CNGA1: variants seen among roughly 807,000 people sequenced by gnomAD.
The protein encoded by CNGA1 is cyclic nucleotide-gated channel alpha-1.
CNGA1 carries 53 observed loss-of-function variants against 69.7 expected under a neutral mutation model. That is an observed-to-expected ratio of 0.76 (90% CI 0.61 to 0.96). CNGA1 has a LOEUF of 0.96. Ranked by LOEUF, CNGA1 falls within the 40% of genes least tolerant of loss-of-function variation. The probability of loss-of-function intolerance (pLI) is 0.00; values close to 1 mark genes in which losing one functional copy is unlikely to be tolerated. For synonymous variants in CNGA1, 249 were observed against 283.5 expected (o/e 0.88, Z 1.22); for missense variants, 739 against 811.2 (o/e 0.91, Z 1.08).
intron 2 of CNGA1, among the ~76,000 whole-genome samples, chr4:47,985,225 G>C (rs1741927785): frequency 6.6e-6 from 1 of 152,074 alleles, no homozygotes; most frequent in African/African-American, 2.4e-5. Flanking sequence ...ATTTTAAAAA[G>C]ACAAATATCA....
At position 47,984,647 on chromosome 4, in the gene CNGA1, A is replaced by AAAAT. The variant is rs141458781; in HGVS notation, c.-122-3148_-122-3147insATTT. ...AAAAAACAAACAAACAAATAAAAAA[A>AAAAT]ATATATATATATATATACACACACA... On this transcript the variant is annotated intron_variant, in intron 2 of 10. Transcript: ENST00000514170. Among the ~76,000 whole-genome samples the AAAAT allele has an allele frequency of 3.4e-4, 22 of 64,496 alleles. No individual in the cohort carries two copies. The South Asian group carries it at 4.5e-3, about 13-fold the overall frequency. The allele number at this position is 64,496 out of a possible 152,430, so 42.3% of individuals were successfully genotyped here.
In CNGA1 at chr4:47,986,615, A is replaced by G. The variant is rs75890740; in HGVS notation, c.-122-5115T>C. 6.8e-3 allele frequency among the ~76,000 whole-genome samples: 1,040 copies of G among 152,282 alleles called. 7 individuals carry two copies. Among genetic ancestry groups the G allele is most frequent in the African/African-American group, 0.023 (956 of 41,542 alleles). The stretch of plus-strand genomic sequence containing the variant: ...TCATAAAGGCATAAAATTTGCTCAA[A>G]TGTTTGTACATTCATTTCACATATA... On this transcript the variant is annotated intron_variant, in intron 2 of 10. Coordinates refer to ENST00000514170, the MANE Select transcript of CNGA1 (RefSeq NM_001379270.1).
In CNGA1 at chr4:47,976,302, C is replaced by CAT. The variant is rs1176884849; in HGVS notation, c.-15+5089_-15+5090dup. Reference sequence around the variant, plus strand: ...ATATGTATATATATATATACACATACATATATATATACATATATATGTATA... The same window carrying CAT: ...ATATGTATATATATATATACACATACATATATATATATACATATATATGTATA... On this transcript the variant is annotated intron_variant, in intron 3 of 10. Coordinates refer to ENST00000514170, the MANE Select transcript of CNGA1 (RefSeq NM_001379270.1). 7.2e-4 allele frequency among the ~76,000 whole-genome samples: 22 copies of CAT among 30,630 alleles called. 2 individuals carry two copies. Among genetic ancestry groups the CAT allele is most frequent in the African/African-American group, 2.3e-3 (21 of 9,022 alleles). The allele number at this position is 30,630 out of a possible 152,430, so 20.1% of individuals were successfully genotyped here.
At chr4:47,991,119 G>A (rs1742245613) in intron 2 of CNGA1, among the ~76,000 whole-genome samples, 1 of 152,192 alleles carries the variant, frequency 6.6e-6, no homozygotes, top group Non-Finnish European at 1.5e-5. Context: ...CTATAAGCAT[G>A]AGTGTGCAAG....
chr4:48,011,723 G>A (rs1038507224), intron 1 of CNGA1, among the ~76,000 whole-genome samples: 5 of 152,170 alleles, frequency 3.3e-5, no homozygotes, highest in Non-Finnish European at 7.4e-5. Flanking sequence ...GTCCAGAAAG[G>A]TGGGACAATT....
chr4:47,970,103 T>C (rs893712342), intron 3 of CNGA1, among the ~76,000 whole-genome samples: 2 of 152,134 alleles, frequency 1.3e-5, no homozygotes, highest in African/African-American at 2.4e-5. Flanking sequence ...GATGTTAGTA[T>C]AGGGAAACCA....
intron 1 of CNGA1, among the ~76,000 whole-genome samples, chr4:48,015,863 G>T (rs547297995): frequency 6.6e-6 from 1 of 152,284 alleles, no homozygotes; most frequent in African/African-American, 2.4e-5. Context: ...CTCCCAAAGT[G>T]CTGTGATTAC....
At chr4:48,002,211 AATT>A (rs1714691210) in intron 2 of CNGA1, among the ~76,000 whole-genome samples, 1 of 152,230 alleles carries the variant, frequency 6.6e-6, no homozygotes, top group African/African-American at 2.4e-5. Flanking sequence ...TATCAATTAA[AATT>A]TAAAAATAGG....
intron 3 of CNGA1, chr4:47,959,213 G>A (rs1223486619): frequency 2.6e-5 from 4 of 152,130 alleles, no homozygotes; most frequent in African/African-American, 9.7e-5. Flanking sequence ...AAACTATCAT[G>A]TTTAATTAGA....
chr4:48,015,537 A>G (rs755019312), intron 1 of CNGA1, among the ~76,000 whole-genome samples: 3 of 152,216 alleles, frequency 2.0e-5, no homozygotes, highest in Non-Finnish European at 2.9e-5. Context: ...TTAAAATGCC[A>G]GAGCACAAAG....
At chr4:47,997,794 A>G (rs1714454812) in intron 2 of CNGA1, among the ~76,000 whole-genome samples, 1 of 152,230 alleles carries the variant, frequency 6.6e-6, no homozygotes, top group Non-Finnish European at 1.5e-5. Context: ...CAAATAAATC[A>G]TGAATTTTAA....
intron 2 of CNGA1, among the ~76,000 whole-genome samples, chr4:48,002,161 C>T (rs1442125625): frequency 1.3e-5 from 2 of 151,896 alleles, no homozygotes; most frequent in African/African-American, 4.8e-5. Context: ...GCAAATTAAA[C>T]TCCAAGTAGA....
intron 1 of CNGA1, among the ~76,000 whole-genome samples, chr4:48,015,754 A>G (rs1156530103): frequency 2.0e-5 from 3 of 152,110 alleles, no homozygotes; most frequent in African/African-American, 7.2e-5. Context: ...CTACAGGAGT[A>G]CACCACCACA....
rs148819782 is a variant in CNGA1 at position 47,944,510 on chromosome 4, A to G, written c.288-1098T>C. Among the ~76,000 whole-genome samples, 88 of 152,322 alleles carry G rather than the reference A, an allele frequency of 5.8e-4. 2 individuals carry two copies. In the East Asian group the frequency reaches 0.011, roughly 19 times the overall value. On this transcript the variant is annotated intron_variant, in intron 6 of 10. Coordinates refer to ENST00000514170, the MANE Select transcript of CNGA1 (RefSeq NM_001379270.1). ...CTCAAATGGCTCTTGGAAACCTGGA[A>G]AAAGGTAATGGTCCACACAAAATGA...
chr4:47,946,690 GAAGT>G (rs1739416905), intron 6 of CNGA1, among the ~76,000 whole-genome samples: 1 of 152,232 alleles, frequency 6.6e-6, no homozygotes, highest in Admixed American at 6.5e-5. Flanking sequence ...GTCATATGAT[GAAGT>G]AAGATATCTG....
At chr4:47,986,947 T>C (rs1476180305) in intron 2 of CNGA1, among the ~76,000 whole-genome samples, 1 of 151,902 alleles carries the variant, frequency 6.6e-6, no homozygotes, top group Non-Finnish European at 1.5e-5. Context: ...ATTTTTCTGA[T>C]TTATCCAAGT....
chr4:47,993,374 G>T (rs1417605487), intron 2 of CNGA1, among the ~76,000 whole-genome samples: 1 of 151,956 alleles, frequency 6.6e-6, no homozygotes, highest in Non-Finnish European at 1.5e-5. Context: ...GCTTGTTATT[G>T]GTCTGTTCAG....
intron 3 of CNGA1, among the ~76,000 whole-genome samples, chr4:47,957,510 C>T (rs1248507745): frequency 6.6e-6 from 1 of 152,092 alleles, no homozygotes; most frequent in African/African-American, 2.4e-5. Context: ...GTCCCAGCTA[C>T]TTGGCAGGCT....
At chr4:48,000,034 A>C (rs13130265) in intron 2 of CNGA1, among the ~76,000 whole-genome samples, 26 of 152,342 alleles carry the variant, frequency 1.7e-4, no homozygotes, top group Middle Eastern at 3.4e-3. Context: ...CTGAAATTAA[A>C]AATTTATTAG....
Sources: allele counts gnomAD v4.1 joint callset (sites outside exome capture counted in the v4.1 genomes callset), GRCh38; gene constraint gnomAD v4.1.1; transcripts MANE v1.5; gene names NCBI Gene and HGNC (gene_info 2026-07-23, HGNC 2026-07-21).